The following SLMAP variants were observed in gnomAD, a reference collection of about 807,000 sequenced individuals.
SLMAP encodes sarcolemmal membrane-associated protein.
In SLMAP, 44 loss-of-function variants were observed where a neutral mutation model predicts 128.8. The ratio of observed to expected loss-of-function variants is 0.34; its 90% CI spans 0.27 to 0.44. SLMAP has a LOEUF of 0.44. Ranked by LOEUF, SLMAP falls within the 20% of genes least tolerant of loss-of-function variation. SLMAP has a pLI of 1.00. For missense variants in SLMAP, 787 were observed against 985.3 expected (o/e 0.80, Z 2.69); for synonymous variants, 327 against 348.8 (o/e 0.94, Z 0.70).
Position 57,757,837 on chromosome 3 carries a change from C to G in SLMAP, c.186C>G (p.His62Gln). 2 of 1,614,122 alleles carry G rather than the reference C, an allele frequency of 1.2e-6. No individual in the cohort carries two copies. Among genetic ancestry groups the G allele is most frequent in the East Asian group, 2.2e-5 (1 of 44,880 alleles). ...ACCACGCTCTCGTCTGGTTTGATCA[C>G]AAGACGGGCAAGGTAATGTCACCAC... ...SRNHALVWFDHKTGKFYLQDT... is the reference protein window; with the variant it reads ...SRNHALVWFDQKTGKFYLQDT... The change falls in exon 2 of 25, where the codon CAC (histidine) becomes CAG (glutamine). Residue 62 changes from histidine to glutamine, a missense_variant. His to Gln is a conservative substitution (Grantham distance 24). This residue lies in a region of SLMAP where 72 missense variants were observed against 141.8 expected (regional missense o/e 0.51). Transcript: ENST00000671191.
intron 17 of SLMAP, among the ~76,000 whole-genome samples, chr3:57,906,300 C>CTTTTTTTTTTTTTTTTTTTTTTT (rs112949836): frequency 7.0e-5 from 5 of 71,290 alleles, no homozygotes; most frequent in African/African-American, 9.6e-5. Context: ...AAATTTTTTT[C>CTTTTTTTTTTTTTTTTTTTTTTT]TTTTTTTTTC....
chr3:57,793,515 C>T (rs1407523480), intron 2 of SLMAP, among the ~76,000 whole-genome samples: 1 of 152,142 alleles, frequency 6.6e-6, no homozygotes, highest in Non-Finnish European at 1.5e-5. Flanking sequence ...TTCATCATTA[C>T]CTCAGCCTAT....
intron 2 of SLMAP, among the ~76,000 whole-genome samples, chr3:57,775,960 A>G (rs892176894): frequency 1.3e-5 from 2 of 152,146 alleles, no homozygotes; most frequent in Admixed American, 1.3e-4. Flanking sequence ...CGGCCTCCCA[A>G]AGTGTTGGGA....
rs2094611387 is a variant in SLMAP, at chr3:57,853,958, TATATATATATA to T, written c.520-3774_520-3764del. On this transcript the variant is annotated intron_variant, in intron 6 of 24. Coordinates refer to ENST00000671191, the MANE Select transcript of SLMAP (RefSeq NM_001377540.1). ...TTCTGTCTCAAAAAAAAAAAAATTA[TATATATATATA>T]TATATATATATATATATATATATAT... Among the ~76,000 whole-genome samples, 213 of 51,846 alleles carry T rather than the reference TATATATATATA, an allele frequency of 4.1e-3. 4 individuals are homozygous for T. The highest frequency in any genetic ancestry group is 7.3e-3 in the African/African-American group (93 of 12,826). The allele number at this position is 51,846 out of a possible 152,430, so 34.0% of individuals were successfully genotyped here. A position where few individuals can be genotyped will look rare whatever the true frequency, so the allele number is the denominator to read the frequency against.
intron 6 of SLMAP, among the ~76,000 whole-genome samples, chr3:57,857,503 GTC>G (rs368679422): frequency 9.8e-5 from 15 of 152,314 alleles, no homozygotes; most frequent in African/African-American, 3.6e-4. Flanking sequence ...CATTCTGTCT[GTC>G]TCTCTCAAAA....
chr3:57,927,481 C>T lies in SLMAP; in HGVS notation c.*192C>T. Reference sequence around the variant, plus strand: ...ACAGAACCATTTTCTTCCTCTTTACCTCTTAAAACAGCAGAAGTACAAGAA... The same window carrying T: ...ACAGAACCATTTTCTTCCTCTTTACTTCTTAAAACAGCAGAAGTACAAGAA... On this transcript the variant is annotated 3_prime_UTR_variant, in exon 25 of 25. Coordinates refer to ENST00000671191, the MANE Select transcript of SLMAP (RefSeq NM_001377540.1). 3 of 612,462 alleles carry T rather than the reference C, an allele frequency of 4.9e-6. No homozygotes were observed. The highest frequency in any genetic ancestry group is 8.5e-6 in the Non-Finnish European group (3 of 354,996). The allele number at this position is 612,462 out of a possible 1,614,324, so 37.9% of individuals were successfully genotyped here. A position where few individuals can be genotyped will look rare whatever the true frequency, so the allele number is the denominator to read the frequency against.
intron 3 of SLMAP, among the ~76,000 whole-genome samples, chr3:57,834,782 T>C (rs2093543200): frequency 6.6e-6 from 1 of 152,008 alleles, no homozygotes; most frequent in Non-Finnish European, 1.5e-5. Context: ...AAAAGAAAAC[T>C]ATAATTAATT....
At position 57,917,084 on chromosome 3, in the gene SLMAP, C is replaced by T. The variant is rs770809062; in HGVS notation, c.2310+7C>T. On this transcript the variant is annotated splice_region_variant and intron_variant, in intron 22 of 24. Transcript: ENST00000671191. ...AAAGGATGTGCAGAAAGAGGTAAAG[C>T]GAAAAGACATTATGAGCCCAATTAT... The T allele has an allele frequency of 6.2e-6, 10 of 1,613,344 alleles. No homozygotes were observed. The highest frequency in any genetic ancestry group is 2.2e-5 in the South Asian group (2 of 91,062).
chr3:57,895,369 T>C (rs2096213155), intron 15 of SLMAP, among the ~76,000 whole-genome samples: 1 of 152,208 alleles, frequency 6.6e-6, no homozygotes, highest in East Asian at 1.9e-4. Flanking sequence ...AGAGTCTTGC[T>C]CTGTCACCCA....
intron 2 of SLMAP, among the ~76,000 whole-genome samples, chr3:57,760,423 T>A (rs1184710683): frequency 2.0e-5 from 3 of 152,210 alleles, no homozygotes; most frequent in Non-Finnish European, 2.9e-5. Flanking sequence ...GGATGCTCTG[T>A]CAGATCTTAC....
intron 2 of SLMAP, among the ~76,000 whole-genome samples, chr3:57,778,078 A>G (rs569518409): frequency 6.6e-6 from 1 of 152,302 alleles, no homozygotes; most frequent in African/African-American, 2.4e-5. Flanking sequence ...TTCGTCTTAA[A>G]TGCTTGTGAG....
rs370178690 is a variant in SLMAP, at chr3:57,908,426, C to G, written c.1624+420C>G. Among the ~76,000 whole-genome samples, 228 of 152,312 alleles carry G rather than the reference C, an allele frequency of 1.5e-3. 2 individuals carry two copies. Among genetic ancestry groups the G allele is most frequent in the African/African-American group, 5.1e-3 (210 of 41,580 alleles). ...TTCCCTAGAGCTTACATTTCTGTAT[C>G]ATTCATAGTAACTACCTGGTTGCAG... On this transcript the variant is annotated intron_variant, in intron 18 of 24. Coordinates refer to ENST00000671191, the MANE Select transcript of SLMAP (RefSeq NM_001377540.1).
intron 2 of SLMAP, among the ~76,000 whole-genome samples, chr3:57,804,836 A>G (rs1458786798): frequency 6.6e-6 from 1 of 152,222 alleles, no homozygotes; most frequent in Non-Finnish European, 1.5e-5. Context: ...ATCACTGTAA[A>G]TGATCTTCTC....
intron 22 of SLMAP, among the ~76,000 whole-genome samples, chr3:57,921,362 C>T (rs771060518): frequency 6.6e-6 from 1 of 152,168 alleles, no homozygotes; most frequent in African/African-American, 2.4e-5. Context: ...CACGGTGGCT[C>T]ATGCCTGTCA....
At chr3:57,759,550 A>G (rs2153425698) in intron 2 of SLMAP, among the ~76,000 whole-genome samples, 1 of 152,344 alleles carries the variant, frequency 6.6e-6, no homozygotes, top group African/African-American at 2.4e-5. Flanking sequence ...TGCTGGGATT[A>G]CAGGCGTGAG....
intron 3 of SLMAP, 72 bp downstream of exon 3, chr3:57,831,602 CA>C: frequency 9.8e-7 from 1 of 1,020,294 alleles, no homozygotes; most frequent in Non-Finnish European, 1.4e-6. Flanking sequence ...TCTTACTTGA[CA>C]TTATGAAACA....
chr3:57,759,556 G>A (rs191222532), intron 2 of SLMAP, among the ~76,000 whole-genome samples: 21 of 152,226 alleles, frequency 1.4e-4, no homozygotes, highest in Non-Finnish European at 2.1e-4. Flanking sequence ...GATTACAGGC[G>A]TGAGCCACTG....
chr3:57,899,773 A>T (rs1453160404), intron 17 of SLMAP: 1 of 151,972 alleles, frequency 6.6e-6, no homozygotes, highest in East Asian at 1.9e-4. Context: ...TTGCAGCTTG[A>T]TTTTAAGAAC....
intron 2 of SLMAP, among the ~76,000 whole-genome samples, chr3:57,789,906 G>T (rs527799461): frequency 6.6e-6 from 1 of 152,034 alleles, no homozygotes; most frequent in African/African-American, 2.4e-5. Context: ...GCATGATCTC[G>T]GCTCACTGCA....
Sources: allele counts gnomAD v4.1 joint callset (sites outside exome capture counted in the v4.1 genomes callset), GRCh38; gene constraint gnomAD v4.1.1; regional missense constraint gnomAD v4.1.1; transcripts MANE v1.5; gene names NCBI Gene and HGNC (gene_info 2026-07-23, HGNC 2026-07-21).